Variants in INPP4B observed in about 807,000 individuals in gnomAD.
INPP4B encodes inositol polyphosphate-4-phosphatase type II B.
A neutral mutation model predicts 122.5 loss-of-function variants in INPP4B; 55 were observed. The observed-to-expected ratio is 0.45, with a 90% confidence interval of 0.36 to 0.56. The LOEUF (loss-of-function observed/expected upper bound fraction) is 0.56, where lower values mean the gene tolerates loss of function less well. INPP4B is among the 20% of genes least tolerant of loss of function. INPP4B has a pLI of 0.00. For synonymous variants in INPP4B, 403 were observed against 388.7 expected, an observed-to-expected ratio of 1.04 and a Z score of -0.43; for missense variants, 1,000 against 1,097.7, an observed-to-expected ratio of 0.91 and a Z score of 1.26.
intron 12 of INPP4B, among the ~76,000 whole-genome samples, chr4:142,233,501 A>T (rs191606200): frequency 4.4e-4 from 67 of 152,270 alleles, no homozygotes; most frequent in African/African-American, 1.6e-3. Flanking sequence ...CAAGCATATA[A>T]ATGAATGGTT....
At chr4:142,224,310 T>G (rs1180350567) in intron 12 of INPP4B, among the ~76,000 whole-genome samples, 3 of 152,174 alleles carry the variant, frequency 2.0e-5, no homozygotes, top group Non-Finnish European at 4.4e-5. Flanking sequence ...GTAGATGTTT[T>G]TGATAAAGAA....
intron 5 of INPP4B, among the ~76,000 whole-genome samples, chr4:142,420,940 A>T (rs1351722749): frequency 6.6e-5 from 10 of 152,168 alleles, no homozygotes. Context: ...ATCATAAGTT[A>T]ACCAACCACT....
intron 3 of INPP4B, among the ~76,000 whole-genome samples, chr4:142,462,443 C>G (rs1400041149): frequency 6.6e-6 from 1 of 152,044 alleles, no homozygotes; most frequent in Non-Finnish European, 1.5e-5. Flanking sequence ...TCTGCCTAGG[C>G]TAGGCCTGGC....
intron 12 of INPP4B, among the ~76,000 whole-genome samples, chr4:142,212,949 G>T (rs898927414): frequency 6.6e-6 from 1 of 152,132 alleles, no homozygotes; most frequent in Non-Finnish European, 1.5e-5. Flanking sequence ...CCTCATGCTG[G>T]TGTTTTGGCT....
intron 2 of INPP4B, among the ~76,000 whole-genome samples, chr4:142,717,135 T>G (rs1763880135): frequency 6.6e-6 from 1 of 152,160 alleles, no homozygotes; most frequent in Non-Finnish European, 1.5e-5. Flanking sequence ...GATTACCAAA[T>G]GTAAAAGTAC....
chr4:142,236,521 T>C (rs530478610), intron 12 of INPP4B, among the ~76,000 whole-genome samples: 20 of 152,322 alleles, frequency 1.3e-4, no homozygotes, highest in Admixed American at 4.6e-4. Flanking sequence ...CCTGAGTCCA[T>C]ACATGTTGTC....
At chr4:142,128,781 C>A (rs1327743152) in intron 18 of INPP4B, among the ~76,000 whole-genome samples, 1 of 152,112 alleles carries the variant, frequency 6.6e-6, no homozygotes, top group Non-Finnish European at 1.5e-5. Context: ...CTGGGTGCCC[C>A]CCTCACCTCC....
intron 2 of INPP4B, among the ~76,000 whole-genome samples, chr4:142,574,516 G>A (rs2150172642): frequency 6.6e-6 from 1 of 152,094 alleles, no homozygotes; most frequent in Non-Finnish European, 1.5e-5. Flanking sequence ...CCTTACCCTG[G>A]CCAGAGAAAG....
chr4:142,466,621 C>A (rs1817838929), intron 2 of INPP4B, among the ~76,000 whole-genome samples: 1 of 152,188 alleles, frequency 6.6e-6, no homozygotes, highest in South Asian at 2.1e-4. Flanking sequence ...TTGAAGCAGG[C>A]TGCAGAGCAA....
intron 2 of INPP4B, among the ~76,000 whole-genome samples, chr4:142,627,691 C>G (rs1447230199): frequency 1.3e-5 from 2 of 151,510 alleles, no homozygotes; most frequent in African/African-American, 4.9e-5. Flanking sequence ...GAATGTTCAT[C>G]AAGGATATTG....
At chr4:142,540,327 T>C (rs11930912) in intron 2 of INPP4B, among the ~76,000 whole-genome samples, 36,580 of 150,368 alleles carry the variant, frequency 0.24, 5,551 homozygotes, top group East Asian at 0.79. Flanking sequence ...AGGAAGTTTT[T>C]TGGGGTTTTT....
rs543106624 is a variant in INPP4B at position 142,069,804 on chromosome 4, T to C, written c.2642+12227A>G. Among the ~76,000 whole-genome samples the C allele has an allele frequency of 9.7e-4, 147 of 152,244 alleles. 1 individual carries two copies. Among genetic ancestry groups the C allele is most frequent in the Middle Eastern group, 3.4e-3 (1 of 294 alleles). ...ACCAGGAAGAAGTTGAATCCCTGAATAGACCAATAACAGGCTCTGAAATTG... is the reference window on the plus strand; with the variant it reads ...ACCAGGAAGAAGTTGAATCCCTGAACAGACCAATAACAGGCTCTGAAATTG... On this transcript the variant is annotated intron_variant, in intron 25 of 25. Transcript: ENST00000262992.
chr4:142,688,109 C>G (rs1192600903), intron 2 of INPP4B, among the ~76,000 whole-genome samples: 1 of 152,122 alleles, frequency 6.6e-6, no homozygotes, highest in Non-Finnish European at 1.5e-5. Flanking sequence ...AGGGGCCTGA[C>G]CCTTCCATAC....
Position 142,358,650 on chromosome 4 carries a change from T to TAAAA in INPP4B, c.373-43892_373-43889dup, listed in dbSNP as rs11443003. 3.0e-4 allele frequency among the ~76,000 whole-genome samples: 35 copies of TAAAA among 117,608 alleles called. 1 individual carries two copies. The highest frequency in any genetic ancestry group is 6.6e-4 in the African/African-American group (20 of 30,152). 77.2% of individuals were successfully genotyped at this position (117,608 alleles called of 152,430 possible). On this transcript the variant is annotated intron_variant, in intron 7 of 25. Transcript: ENST00000262992. ...GTAGGATCAAGACATCAGTGATTTATAAAAAAAAAAAAAAAAAAAAACTCC... is the reference window on the plus strand; with the variant it reads ...GTAGGATCAAGACATCAGTGATTTATAAAAAAAAAAAAAAAAAAAAAAAAACTCC...
chr4:142,457,435 G>A (rs1020849214), intron 3 of INPP4B, among the ~76,000 whole-genome samples: 3 of 151,860 alleles, frequency 2.0e-5, no homozygotes, highest in East Asian at 1.9e-4. Context: ...AACTCCATAA[G>A]AAAACAAAAA....
chr4:142,226,243 T>TAC (rs147387378), intron 12 of INPP4B, among the ~76,000 whole-genome samples: 38 of 151,272 alleles, frequency 2.5e-4, no homozygotes, highest in South Asian at 8.3e-4. Context: ...CACATATAAG[T>TAC]ACACACACAC....
intron 16 of INPP4B, among the ~76,000 whole-genome samples, chr4:142,164,797 T>C (rs1821899047): frequency 6.6e-6 from 1 of 151,668 alleles, no homozygotes; most frequent in Non-Finnish European, 1.5e-5. Flanking sequence ...CTATGTTGCC[T>C]GAGACCTTAA....
At chr4:142,443,384 G>A (rs1812239585) in intron 3 of INPP4B, among the ~76,000 whole-genome samples, 1 of 152,078 alleles carries the variant, frequency 6.6e-6, no homozygotes, top group South Asian at 2.1e-4. Context: ...AGACCCACTT[G>A]GATCCTCTTT....
intron 2 of INPP4B, among the ~76,000 whole-genome samples, chr4:142,586,099 C>G (rs1736138267): frequency 6.6e-6 from 1 of 152,004 alleles, no homozygotes; most frequent in South Asian, 2.1e-4. Context: ...TGCTTGAACT[C>G]AGGTGTTGGA....
Sources: gnomAD v4.1 joint callset for allele counts (sites outside exome capture counted in the v4.1 genomes callset) on GRCh38, gnomAD v4.1.1 for gene constraint, MANE v1.5 for transcripts, NCBI Gene and HGNC (gene_info 2026-07-23, HGNC 2026-07-21) for gene names.